Variants in KCNQ5 observed in about 807,000 individuals in gnomAD.
The protein encoded by KCNQ5 is potassium voltage-gated channel subfamily KQT member 5.
In KCNQ5, 30 loss-of-function variants were observed where a neutral mutation model predicts 98.2. That is an observed-to-expected ratio of 0.31 (90% CI 0.23 to 0.41). The LOEUF (loss-of-function observed/expected upper bound fraction) is 0.41, where lower values mean the gene tolerates loss of function less well. Ranked by LOEUF, KCNQ5 falls within the 10% of genes least tolerant of loss-of-function variation. KCNQ5 has a pLI of 1.00. For missense variants in KCNQ5, 835 were observed against 1,182.5 expected (o/e 0.71, Z 4.31); for synonymous variants, 458 against 449.4 (o/e 1.02, Z -0.24).
intron 5 of KCNQ5, among the ~76,000 whole-genome samples, chr6:73,088,895 T>C (rs932370003): frequency 1.3e-5 from 2 of 152,196 alleles, no homozygotes; most frequent in African/African-American, 4.8e-5. Context: ...CTCTTTACTC[T>C]CCACTCTCAT....
chr6:72,978,347 A>G (rs1353517420), intron 1 of KCNQ5, among the ~76,000 whole-genome samples: 2 of 152,212 alleles, frequency 1.3e-5, no homozygotes, highest in Non-Finnish European at 2.9e-5. Flanking sequence ...TATTCCATTC[A>G]GCAAGATCAT....
intron 1 of KCNQ5, among the ~76,000 whole-genome samples, chr6:72,898,163 T>A (rs1406965439): frequency 6.6e-6 from 1 of 152,206 alleles, no homozygotes; most frequent in Non-Finnish European, 1.5e-5. Context: ...GATTTTTTTT[T>A]TAATTTTACT....
intron 1 of KCNQ5, among the ~76,000 whole-genome samples, chr6:72,970,641 A>G (rs1164474762): frequency 6.6e-6 from 1 of 152,208 alleles, no homozygotes; most frequent in Non-Finnish European, 1.5e-5. Flanking sequence ...TACTGGTACC[A>G]AAACAGAGAT....
chr6:72,683,324 T>C (rs1298791690), intron 1 of KCNQ5, among the ~76,000 whole-genome samples: 1 of 151,706 alleles, frequency 6.6e-6, no homozygotes, highest in African/African-American at 2.4e-5. Context: ...TTCTGGTCTT[T>C]GGTGGGAGCT....
At chr6:73,092,350 A>T (rs1459150511) in intron 5 of KCNQ5, among the ~76,000 whole-genome samples, 1 of 152,056 alleles carries the variant, frequency 6.6e-6, no homozygotes, top group Non-Finnish European at 1.5e-5. Flanking sequence ...TTCCTCTTTA[A>T]TGAGTTGGAT....
intron 1 of KCNQ5, among the ~76,000 whole-genome samples, chr6:72,776,290 A>C (rs968921006): frequency 1.6e-4 from 24 of 152,228 alleles, no homozygotes; most frequent in Admixed American, 6.5e-4. Flanking sequence ...TTTATAATGT[A>C]GGAATTATTC....
At chr6:72,823,059 T>A (rs1040310789) in intron 1 of KCNQ5, among the ~76,000 whole-genome samples, 2 of 152,166 alleles carry the variant, frequency 1.3e-5, no homozygotes, top group African/African-American at 4.8e-5. Context: ...TAATCACTTC[T>A]CCAAAGTCCC....
At chr6:72,639,604 C>T (rs563091016) in intron 1 of KCNQ5, among the ~76,000 whole-genome samples, 1 of 151,968 alleles carries the variant, frequency 6.6e-6, no homozygotes, top group Non-Finnish European at 1.5e-5. Context: ...TAGAGAGCCT[C>T]GAATGAAACC....
chr6:72,766,711 C>T (rs972624503), intron 1 of KCNQ5, among the ~76,000 whole-genome samples: 3 of 151,782 alleles, frequency 2.0e-5, no homozygotes, highest in Non-Finnish European at 2.9e-5. Context: ...CAAATGGTGG[C>T]ACCATTTGCT....
At chr6:72,767,828 G>A (rs549497754) in intron 1 of KCNQ5, among the ~76,000 whole-genome samples, 1 of 152,122 alleles carries the variant, frequency 6.6e-6, no homozygotes, top group South Asian at 2.1e-4. Context: ...AAAAAAGGCA[G>A]ATAATGATAT....
chr6:73,141,738 G>A (rs958526563), intron 10 of KCNQ5, among the ~76,000 whole-genome samples: 1 of 152,112 alleles, frequency 6.6e-6, no homozygotes, highest in African/African-American at 2.4e-5. Flanking sequence ...AGAAACCCAG[G>A]GTTATAAACT....
At chr6:72,899,411 G>A (rs1311999524) in intron 1 of KCNQ5, among the ~76,000 whole-genome samples, 2 of 152,066 alleles carry the variant, frequency 1.3e-5, no homozygotes, top group Non-Finnish European at 1.5e-5. Flanking sequence ...GTTTACTAAT[G>A]ATAGAATTAT....
rs551607450 is a variant in KCNQ5 at position 72,622,935 on chromosome 6, G to T, written c.398+348G>T. Reference sequence around the variant, plus strand: ...AACTTCAACCGAACGGGGCGCCCGGGAGCTAGGGAATGCAAAGGGAGGACA... The same window carrying T: ...AACTTCAACCGAACGGGGCGCCCGGTAGCTAGGGAATGCAAAGGGAGGACA... On this transcript the variant is annotated intron_variant, in intron 1 of 13. Transcript: ENST00000370398. This position sits in a 1 kb window ranked among gnomAD's most constrained non-coding sequence, Gnocchi z 6.0. 9.2e-5 allele frequency among the ~76,000 whole-genome samples: 14 copies of T among 152,254 alleles called. No individual in the cohort carries two copies. In the South Asian group the frequency reaches 2.7e-3, roughly 29 times the overall value.
At chr6:72,970,949 CA>C in intron 1 of KCNQ5, among the ~76,000 whole-genome samples, 2 of 152,336 alleles carry the variant, frequency 1.3e-5, no homozygotes, top group East Asian at 3.8e-4. Flanking sequence ...GCAAGGACTT[CA>C]TGTCTAAAAC....
chr6:72,857,504 A>T (rs1179830345), intron 1 of KCNQ5, among the ~76,000 whole-genome samples: 1 of 152,198 alleles, frequency 6.6e-6, no homozygotes, highest in Non-Finnish European at 1.5e-5. Context: ...TTACATACAA[A>T]ACAAGTTTAC....
At chr6:73,009,046 G>A (rs1582182779) in intron 2 of KCNQ5, among the ~76,000 whole-genome samples, 1 of 152,100 alleles carries the variant, frequency 6.6e-6, no homozygotes, top group Admixed American at 6.6e-5. Flanking sequence ...CTGGAGTACA[G>A]TGGTGGGATC....
chr6:72,747,610 A>G (rs1310404093), intron 1 of KCNQ5, among the ~76,000 whole-genome samples: 1 of 152,172 alleles, frequency 6.6e-6, no homozygotes, highest in Non-Finnish European at 1.5e-5. Context: ...ATAATACTAT[A>G]CCTAACATGG....
intron 1 of KCNQ5, among the ~76,000 whole-genome samples, chr6:72,661,572 CT>C (rs925520322): frequency 1.3e-5 from 2 of 151,960 alleles, no homozygotes; most frequent in African/African-American, 4.8e-5. Flanking sequence ...TTCAGCCTGA[CT>C]TTTTTAGTAT....
intron 1 of KCNQ5, among the ~76,000 whole-genome samples, chr6:72,973,597 C>T (rs552841676): frequency 1.3e-5 from 2 of 152,224 alleles, no homozygotes; most frequent in African/African-American, 4.8e-5. Context: ...TTGTCTGATA[C>T]CTATTATGAG....
Sources: allele counts gnomAD v4.1 joint callset (sites outside exome capture counted in the v4.1 genomes callset), GRCh38; gene constraint gnomAD v4.1.1; non-coding constraint Gnocchi (gnomAD v3.1); transcripts MANE v1.5; gene names NCBI Gene and HGNC (gene_info 2026-07-23, HGNC 2026-07-21).